LRRC8C: variants seen among roughly 807,000 people sequenced by gnomAD.
The protein encoded by LRRC8C is volume-regulated anion channel subunit LRRC8C.
Under a neutral mutation model 55.3 loss-of-function variants are expected in LRRC8C, and 20 were observed. That is an observed-to-expected ratio of 0.36 (90% CI 0.25 to 0.53). The LOEUF is 0.53. LRRC8C is among the 20% of genes least tolerant of loss of function. The pLI, the probability that LRRC8C is intolerant of heterozygous loss-of-function variation, is 0.92. For missense variants in LRRC8C, 659 were observed against 951.4 expected (o/e 0.69, Z 4.04); for synonymous variants, 376 against 360.7 (o/e 1.04, Z -0.48).
At chr1:89,627,195 G>A in the LRRC8C span, among the ~76,000 whole-genome samples, 1 of 151,960 alleles carries the variant, frequency 6.6e-6, no homozygotes, top group Admixed American at 6.6e-5. Context: ...AATCAAAAAT[G>A]ATCCTATAGC....
intron 1 of LRRC8C, among the ~76,000 whole-genome samples, chr1:89,670,952 G>A (rs949252650): frequency 6.6e-6 from 1 of 152,112 alleles, no homozygotes; most frequent in African/African-American, 2.4e-5. Flanking sequence ...AAGCCCCTTG[G>A]GTTTGAATCA....
intron 2 of LRRC8C, among the ~76,000 whole-genome samples, chr1:89,709,741 G>GTTTTTTT (rs746711104): frequency 2.2e-5 from 2 of 91,888 alleles, no homozygotes; most frequent in African/African-American, 3.6e-5. Flanking sequence ...TTTGTGTGTG[G>GTTTTTTT]TTTTTTTTTG....
Position 89,715,037 on chromosome 1 carries a change from TA to T in LRRC8C, c.*57del. The T allele has an allele frequency of 7.7e-7, 1 of 1,293,100 alleles. No individual in the cohort carries two copies. Among genetic ancestry groups the T allele is most frequent in the Non-Finnish European group, 1.1e-6 (1 of 949,696 alleles). The allele number at this position is 1,293,100 out of a possible 1,614,324, so 80.1% of individuals were successfully genotyped here. ...ACGCTTCTACCAAATACAGTATAAA[TA>T]ATTAGGTAGTCTTAATGCCTTTCCT... On this transcript the variant is annotated 3_prime_UTR_variant, in exon 3 of 3. Coordinates refer to ENST00000370454, the MANE Select transcript of LRRC8C (RefSeq NM_032270.5).
intron 1 of LRRC8C, among the ~76,000 whole-genome samples, chr1:89,662,791 C>T (rs1326305464): frequency 2.0e-5 from 3 of 152,062 alleles, no homozygotes; most frequent in East Asian, 1.9e-4. Flanking sequence ...TTTCAGCCCC[C>T]GCCATGGGGT....
intron 2 of LRRC8C, chr1:89,708,797 C>T (rs965039876): frequency 6.6e-6 from 1 of 152,242 alleles, no homozygotes; most frequent in Non-Finnish European, 1.5e-5. Flanking sequence ...ACCTCCTAAC[C>T]TGGCTATTTA....
chr1:89,665,823 A>C (rs1657243712), intron 1 of LRRC8C, among the ~76,000 whole-genome samples: 1 of 152,196 alleles, frequency 6.6e-6, no homozygotes, highest in South Asian at 2.1e-4. Flanking sequence ...CATCCAGAGC[A>C]ACTTCCAGTC....
chr1:89,715,156 A>G lies in LRRC8C; in HGVS notation c.*174A>G, dbSNP rs1050146218. 1.7e-5 allele frequency: 7 copies of G among 402,424 alleles called. No homozygotes were observed. The allele number at this position is 402,424 out of a possible 1,614,324, so 24.9% of individuals were successfully genotyped here. A position where few individuals can be genotyped will look rare whatever the true frequency, so the allele number is the denominator to read the frequency against. ...ATTTAATTGTATTTTTTCAATATTAATATTTTGAAGTTTTATTTGTCTTGA... is the reference window on the plus strand; with the variant it reads ...ATTTAATTGTATTTTTTCAATATTAGTATTTTGAAGTTTTATTTGTCTTGA... On this transcript the variant is annotated 3_prime_UTR_variant, in exon 3 of 3. Transcript: ENST00000370454.
chr1:89,628,348 T>C (rs1656025888), upstream of LRRC8C, among the ~76,000 whole-genome samples: 1 of 152,170 alleles, frequency 6.6e-6, no homozygotes, highest in East Asian at 1.9e-4. Context: ...CACAGGAGCC[T>C]TCAGAATGAA....
At chr1:89,639,479 T>A (rs1396679906) in intron 1 of LRRC8C, among the ~76,000 whole-genome samples, 1 of 152,202 alleles carries the variant, frequency 6.6e-6, no homozygotes, top group African/African-American at 2.4e-5. Context: ...CTCCTTTATA[T>A]ATTGGCTGCT....
intron 1 of LRRC8C, among the ~76,000 whole-genome samples, chr1:89,643,492 G>A (rs890608784): frequency 3.9e-5 from 6 of 152,188 alleles, no homozygotes; most frequent in African/African-American, 1.4e-4. Context: ...TGTGGACTAG[G>A]CAAACCTATT....
chr1:89,647,776 A>G (rs989378661), intron 1 of LRRC8C, among the ~76,000 whole-genome samples: 2 of 152,204 alleles, frequency 1.3e-5, no homozygotes, highest in African/African-American at 2.4e-5. Flanking sequence ...AGGCCAAACA[A>G]TGGTGTGTGA....
intron 1 of LRRC8C, among the ~76,000 whole-genome samples, chr1:89,685,370 C>A (rs1657846258): frequency 6.6e-6 from 1 of 151,530 alleles, no homozygotes; most frequent in Admixed American, 6.6e-5. Context: ...CCGCCTCGGC[C>A]TCCCAAAGTG....
intron 1 of LRRC8C, among the ~76,000 whole-genome samples, chr1:89,663,043 A>G (rs529200447): frequency 6.6e-6 from 1 of 151,526 alleles, no homozygotes; most frequent in Non-Finnish European, 1.5e-5. Context: ...TCATTGTTCA[A>G]CTCCCACTTA....
At position 89,714,052 on chromosome 1, in the gene LRRC8C, G is replaced by A. The variant is rs184617912; in HGVS notation, c.1482G>A (p.Lys494=). 1.4e-5 allele frequency: 23 copies of A among 1,613,898 alleles called. No homozygotes were observed. In the Admixed American group the frequency reaches 2.3e-4, roughly 16 times the overall value. The change falls in exon 3 of 3, where the codon AAG becomes AAA. Residue 494 remains lysine (K), a synonymous_variant. Transcript: ENST00000370454. This position sits in a 1 kb window ranked among gnomAD's most constrained non-coding sequence, Gnocchi z 4.6. ...TCTCTTTCCTGAAGGAAAACCTCAA[G>A]GTCTTGAGCGTCAAGTTTGATGACA... is the stretch of plus-strand genomic sequence containing the variant. ...AALSFLKENL[K]VLSVKFDDMR... is the part of the protein sequence containing the mutation.
upstream of LRRC8C, among the ~76,000 whole-genome samples, chr1:89,628,382 A>C (rs189954494): frequency 4.2e-4 from 64 of 152,212 alleles, no homozygotes; most frequent in Non-Finnish European, 7.6e-4. Flanking sequence ...AGGGGCAACT[A>C]TTCCTTTATT....
chr1:89,706,810 A>G (rs960853571), intron 2 of LRRC8C, among the ~76,000 whole-genome samples: 5 of 152,160 alleles, frequency 3.3e-5, no homozygotes, highest in African/African-American at 1.2e-4. Context: ...CAAAAGCAAG[A>G]AATTCAGCTT....
chr1:89,685,218 A>C (rs888441199), intron 1 of LRRC8C, among the ~76,000 whole-genome samples: 2 of 143,032 alleles, frequency 1.4e-5, no homozygotes, highest in Non-Finnish European at 3.0e-5. Context: ...TCCCGGGTTC[A>C]CGCCATTCTC....
At chr1:89,623,342 C>T in the LRRC8C span, among the ~76,000 whole-genome samples, 1 of 152,116 alleles carries the variant, frequency 6.6e-6, no homozygotes, top group Non-Finnish European at 1.5e-5. Flanking sequence ...GGTGTCTTTT[C>T]TTTGAAATTC....
At chr1:89,659,916 T>G (rs1390293458) in intron 1 of LRRC8C, among the ~76,000 whole-genome samples, 1 of 152,128 alleles carries the variant, frequency 6.6e-6, no homozygotes, top group African/African-American at 2.4e-5. Flanking sequence ...TGGAGATAGT[T>G]GAGAATATAA....
Sources: gnomAD v4.1 joint callset for allele counts (sites outside exome capture counted in the v4.1 genomes callset) on GRCh38, gnomAD v4.1.1 for gene constraint, Gnocchi (gnomAD v3.1) non-coding constraint, MANE v1.5 for transcripts, NCBI Gene and HGNC (gene_info 2026-07-23, HGNC 2026-07-21) for gene names.